COL4A4: variants seen among roughly 807,000 people sequenced by gnomAD.
The protein encoded by COL4A4 is collagen type IV alpha 4 chain.
A neutral mutation model predicts 192.9 loss-of-function variants in COL4A4; 105 were observed. The observed-to-expected ratio is 0.54, with a 90% CI of 0.46 to 0.64. The LOEUF (loss-of-function observed/expected upper bound fraction) is 0.64, where lower values mean the gene tolerates loss of function less well. COL4A4 is among the 30% of genes least tolerant of loss of function. The pLI, the probability that COL4A4 is intolerant of heterozygous loss-of-function variation, is 0.00. For missense variants in COL4A4, 1,967 were observed against 2,169.3 expected, an observed-to-expected ratio of 0.91 and a Z score of 1.85; for synonymous variants, 762 against 769.9, an observed-to-expected ratio of 0.99 and a Z score of 0.17.
At chr2:227,035,865 C>T (rs1969551384) in intron 37 of COL4A4, among the ~76,000 whole-genome samples, 1 of 152,168 alleles carries the variant, frequency 6.6e-6, no homozygotes, top group Non-Finnish European at 1.5e-5. Flanking sequence ...CACATCAACA[C>T]ATCCAGATCC....
chr2:226,973,095 C>G, the COL4A4 span, among the ~76,000 whole-genome samples: 2 of 152,202 alleles, frequency 1.3e-5, no homozygotes, highest in Non-Finnish European at 2.9e-5. Context: ...CACAGAAGTT[C>G]CTCCCTGGAC....
At chr2:227,058,258 T>C (rs1039074324) in intron 28 of COL4A4, among the ~76,000 whole-genome samples, 1 of 152,096 alleles carries the variant, frequency 6.6e-6, no homozygotes, top group Non-Finnish European at 1.5e-5. Flanking sequence ...CTTTGAGAGA[T>C]AGAGTGTGTG....
At chr2:227,071,427 G>A (rs896698011) in intron 25 of COL4A4, among the ~76,000 whole-genome samples, 1 of 152,076 alleles carries the variant, frequency 6.6e-6, no homozygotes, top group Non-Finnish European at 1.5e-5. Context: ...TAAGAAATGA[G>A]ATAGACAGCA....
Position 227,008,235 on chromosome 2 carries a change from C to A in COL4A4, c.4592G>T (p.Cys1531Phe), listed in dbSNP as rs1962634035. ...TCTGTCGTTTCTCTGGGCATAGTGG[C>A]ACACCTGGTGGATGTTGCAGTAGGC... ...PFAYCNIHQV[C>F]HYAQRNDRSY... Residue 1531 changes from cysteine (C) to phenylalanine (F), a missense_variant, in exon 47 of 48, where the codon TGC (cysteine) becomes TTC (phenylalanine). Physicochemically the swap from Cys to Phe is radical, Grantham distance 205 (BLOSUM62 -2). Coordinates refer to ENST00000396625, the MANE Select transcript of COL4A4 (RefSeq NM_000092.5). 3 of 1,614,216 alleles carry A rather than the reference C, an allele frequency of 1.9e-6. No homozygotes were observed. Among genetic ancestry groups the A allele is most frequent in the Non-Finnish European group, 1.7e-6 (2 of 1,180,030 alleles).
At chr2:226,988,960 G>T in the COL4A4 span, among the ~76,000 whole-genome samples, 1 of 152,182 alleles carries the variant, frequency 6.6e-6, no homozygotes, top group African/African-American at 2.4e-5. Context: ...AAGATGCATT[G>T]TTTCTGCTGT....
chr2:227,109,288 TA>T lies in COL4A4; in HGVS notation c.595-3del. The T allele has an allele frequency of 6.2e-7, 1 of 1,613,620 alleles. No individual in the cohort carries two copies. Among genetic ancestry groups the T allele is most frequent in the Non-Finnish European group, 8.5e-7 (1 of 1,179,504 alleles). On this transcript the variant is annotated splice_region_variant and splice_polypyrimidine_tract_variant and intron_variant, in intron 9 of 47. Transcript: ENST00000396625. ...CGGTCCTCCTGCACCCCAAGATCCCTAAACATGAGAAAAATCAGTGCATCTG... is the reference window on the plus strand; with the variant it reads ...CGGTCCTCCTGCACCCCAAGATCCCTAACATGAGAAAAATCAGTGCATCTG...
chr2:227,048,372 T>C (rs1465218058), intron 34 of COL4A4, among the ~76,000 whole-genome samples: 2 of 152,234 alleles, frequency 1.3e-5, no homozygotes, highest in African/African-American at 2.4e-5. Flanking sequence ...CAAACAAGTC[T>C]TTCCTTGAGA....
rs1971646746 is a variant in COL4A4 at position 227,042,387 on chromosome 2, T to C, written c.3398-132A>G. The C allele has an allele frequency of 6.1e-6, 4 of 660,286 alleles. No individual in the cohort carries two copies. In the South Asian group the frequency reaches 6.6e-5, roughly 11 times the overall value. The allele number at this position is 660,286 out of a possible 1,614,324, so 40.9% of individuals were successfully genotyped here. On this transcript the variant is annotated intron_variant, in intron 36 of 47. Transcript: ENST00000396625. Reference sequence around the variant, plus strand: ...AATTACTTTTTCTTCCTATACATCTTAACTCTAGGGAGAAAAATACATTTA... The same window carrying C: ...AATTACTTTTTCTTCCTATACATCTCAACTCTAGGGAGAAAAATACATTTA...
At chr2:227,061,624 T>C (rs1192556831) in intron 26 of COL4A4, among the ~76,000 whole-genome samples, 1 of 152,224 alleles carries the variant, frequency 6.6e-6, no homozygotes, top group Non-Finnish European at 1.5e-5. Context: ...ATTTACACAT[T>C]ATTGTCATAA....
Position 227,060,120 on chromosome 2 carries a change from A to AAAAAAAAAC in COL4A4, c.2164+15_2164+16insGTTTTTTTT. The AAAAAAAAAC allele has an allele frequency of 1.4e-6, 2 of 1,403,936 alleles. No homozygotes were observed. Among genetic ancestry groups the AAAAAAAAAC allele is most frequent in the Admixed American group, 2.0e-5 (1 of 49,110 alleles). 87.0% of individuals were successfully genotyped at this position (1,403,936 alleles called of 1,614,324 possible). A position where few individuals can be genotyped will look rare whatever the true frequency, so the allele number is the denominator to read the frequency against. On this transcript the variant is annotated intron_variant, in intron 27 of 47. Transcript: ENST00000396625. ...AAAGCAGAAAAAAAAAAAAAAAAAA[A>AAAAAAAAAC]AAAAACCTCACTGACCAGGTGGACC...
rs1020436636 is a variant in COL4A4 at position 227,007,076 on chromosome 2, T to C, written c.*249A>G. On this transcript the variant is annotated 3_prime_UTR_variant, in exon 48 of 48. Coordinates refer to ENST00000396625, the MANE Select transcript of COL4A4 (RefSeq NM_000092.5). ...TAGCATATTTTTAAGTAAAGCCAGT[T>C]CTTCGATCATCCTCAGTAAAATAAG... 4.6e-5 allele frequency: 27 copies of C among 590,336 alleles called. No individual in the cohort carries two copies. Among genetic ancestry groups the C allele is most frequent in the Non-Finnish European group, 7.6e-5 (25 of 327,534 alleles). 36.6% of individuals were successfully genotyped at this position (590,336 alleles called of 1,614,324 possible).
intron 1 of COL4A4, among the ~76,000 whole-genome samples, chr2:227,159,564 C>T (rs562467722): frequency 6.6e-6 from 1 of 152,320 alleles, no homozygotes. Flanking sequence ...GAATTGTAAT[C>T]ACATAATCCC....
Position 227,050,988 on chromosome 2 carries a change from G to A in COL4A4, c.3139C>T (p.Pro1047Ser), listed in dbSNP as rs776002982. The A allele has an allele frequency of 2.5e-6, 4 of 1,614,186 alleles. No homozygotes were observed. The change falls in exon 33 of 48, where the codon CCA becomes TCA. Residue 1047 changes from proline to serine, a missense_variant. Physicochemically the swap from Pro to Ser is moderately conservative, Grantham distance 74 (BLOSUM62 -1). Transcript: ENST00000396625. ...LRGFIGFPGL[P>S]GDQGEPGSPG... ...CAGTAGCCCCTTACCTGGTCACCTG[G>A]AAGTCCTGGAAAACCAATGAACCCT... is the stretch of plus-strand genomic sequence containing the variant.
At chr2:226,985,081 T>C in the COL4A4 span, among the ~76,000 whole-genome samples, 1 of 152,162 alleles carries the variant, frequency 6.6e-6, no homozygotes, top group Non-Finnish European at 1.5e-5. Flanking sequence ...GGATTGATTG[T>C]CTTATTACCA....
At chr2:227,060,338 T>C (rs1034663202) in intron 26 of COL4A4, 95 bp from the exon 27 acceptor site, 7 of 858,884 alleles carry the variant, frequency 8.2e-6, no homozygotes, top group Non-Finnish European at 1.3e-5. Flanking sequence ...TTAAGTCCTT[T>C]TAGAATATTT....
chr2:227,158,065 C>A (rs527884543), intron 1 of COL4A4, among the ~76,000 whole-genome samples: 1 of 152,094 alleles, frequency 6.6e-6, no homozygotes, highest in Admixed American at 6.5e-5. Flanking sequence ...ATAGCCTAAG[C>A]AATTTTTATA....
At chr2:227,109,175 A>T in intron 10 of COL4A4, 49 bp downstream of exon 10, 1 of 1,543,514 alleles carries the variant, frequency 6.5e-7, no homozygotes, top group Non-Finnish European at 9.0e-7. Context: ...CTTTATTTTC[A>T]TGTAGAATCT....
the COL4A4 span, among the ~76,000 whole-genome samples, chr2:226,972,590 G>A: frequency 1.3e-5 from 2 of 152,180 alleles, no homozygotes. Context: ...CTTCATGGAC[G>A]GAGCTTCTGG....
the COL4A4 span, among the ~76,000 whole-genome samples, chr2:226,976,578 G>A: frequency 6.6e-6 from 1 of 152,124 alleles, no homozygotes; most frequent in Non-Finnish European, 1.5e-5. Context: ...ACAGTTCCGT[G>A]TGGTGCTGCT....
Sources: gnomAD v4.1 joint callset for allele counts (sites outside exome capture counted in the v4.1 genomes callset) on GRCh38, gnomAD v4.1.1 for gene constraint, MANE v1.5 for transcripts, NCBI Gene and HGNC (gene_info 2026-07-23, HGNC 2026-07-21) for gene names.